INTS2: variants seen among roughly 807,000 people sequenced by gnomAD.
INTS2 encodes integrator complex subunit 2, also known as KIAA1287.
In INTS2, 57 loss-of-function variants were observed where a neutral mutation model predicts 139.6. That is an observed-to-expected ratio of 0.41 (90% CI 0.33 to 0.51). The LOEUF (loss-of-function observed/expected upper bound fraction) is 0.51, where lower values mean the gene tolerates loss of function less well. Among genes scored for constraint, INTS2 ranks in the 20% least tolerant of loss-of-function variants. The pLI, the probability that INTS2 is intolerant of heterozygous loss-of-function variation, is 0.28. For missense variants in INTS2, 1,196 were observed against 1,436.7 expected, an observed-to-expected ratio of 0.83 and a Z score of 2.71; for synonymous variants, 473 against 493.4, an observed-to-expected ratio of 0.96 and a Z score of 0.55.
At chr17:61,895,717 C>T (rs935690971) in intron 11 of INTS2, among the ~76,000 whole-genome samples, 40 of 151,954 alleles carry the variant, frequency 2.6e-4, no homozygotes, top group African/African-American at 9.7e-4. Flanking sequence ...TCTGTATATA[C>T]GCACATATAC....
intron 4 of INTS2, among the ~76,000 whole-genome samples, chr17:61,920,064 A>G (rs1363751911): frequency 6.6e-6 from 1 of 152,170 alleles, no homozygotes; most frequent in Non-Finnish European, 1.5e-5. Flanking sequence ...CACACTAGCC[A>G]CATTTCAAGT....
intron 11 of INTS2, among the ~76,000 whole-genome samples, chr17:61,895,965 G>C (rs1161178949): frequency 1.3e-5 from 2 of 152,080 alleles, no homozygotes; most frequent in Non-Finnish European, 2.9e-5. Flanking sequence ...TTTACAGCCA[G>C]GTGCAGTGGT....
At chr17:61,894,899 C>T (rs929689568) in intron 12 of INTS2, among the ~76,000 whole-genome samples, 15 of 151,596 alleles carry the variant, frequency 9.9e-5, no homozygotes, top group African/African-American at 3.2e-4. Flanking sequence ...AGTGCTAAGG[C>T]TAAAGAAGAA....
chr17:61,885,016 T>C lies in INTS2; in HGVS notation c.1985-11A>G, dbSNP rs371942519. 2 of 1,493,554 alleles carry C rather than the reference T, an allele frequency of 1.3e-6. No individual in the cohort carries two copies. The highest frequency in any genetic ancestry group is 2.3e-5 in the East Asian group (1 of 43,088). 92.5% of individuals were successfully genotyped at this position (1,493,554 alleles called of 1,614,324 possible). ...TTCTTTGCATGGCAGCTATCAAAGA[T>C]AAAAAGTGTAAAATAAATAAAATGT... is the stretch of plus-strand genomic sequence containing the variant. On this transcript the variant is annotated splice_polypyrimidine_tract_variant and intron_variant, in intron 15 of 24. Transcript: ENST00000251334.
At chr17:61,926,328 AC>A in intron 2 of INTS2, 23 bp downstream of exon 2, 1 of 1,526,608 alleles carries the variant, frequency 6.6e-7, no homozygotes, top group East Asian at 2.3e-5. Flanking sequence ...ATCCAAATCC[AC>A]ATATAATATA....
rs772167308 is a variant in INTS2, at chr17:61,882,936, T to A, written c.2090-1765A>T. 2.0e-5 allele frequency among the ~76,000 whole-genome samples: 3 copies of A among 152,182 alleles called. No homozygotes were observed. Among genetic ancestry groups the A allele is most frequent in the Non-Finnish European group, 2.9e-5 (2 of 68,038 alleles). On this transcript the variant is annotated intron_variant, in intron 16 of 24. Transcript: ENST00000251334. The surrounding 1 kb of genome is among the most constrained non-coding windows in gnomAD (Gnocchi z 4.7). ...TATTATGCAAATCAAATGATACCACTGCTTTATCCCAGTAGAAACAATACG... is the reference window on the plus strand; with the variant it reads ...TATTATGCAAATCAAATGATACCACAGCTTTATCCCAGTAGAAACAATACG...
At chr17:61,921,945 ACAG>A in intron 3 of INTS2, 118 bp from the exon 4 acceptor site, 1 of 565,968 alleles carries the variant, frequency 1.8e-6, no homozygotes, top group Admixed American at 3.1e-5. Flanking sequence ...CTAATATACC[ACAG>A]CAGAATATGC....
Position 61,897,505 on chromosome 17 carries a change from A to G in INTS2, c.1458T>C (p.Ala486=). 3.1e-6 allele frequency: 5 copies of G among 1,600,404 alleles called. No individual in the cohort carries two copies. Among genetic ancestry groups the G allele is most frequent in the South Asian group, 1.1e-5 (1 of 87,812 alleles). ...AAGTGGAACAGACCAAGTCAATGAT[A>G]GCACTAAGCTGGTTGCTGTGAAAGT... is the stretch of plus-strand genomic sequence containing the variant. ...AMYFHSNQLS[A]IIDLVCSTLG... is the part of the protein sequence containing the mutation. Residue 486 remains alanine (A), a synonymous_variant, in exon 11 of 25, where the codon GCT becomes GCC. Transcript: ENST00000251334. This position sits in a 1 kb window ranked among gnomAD's most constrained non-coding sequence, Gnocchi z 4.4.
At chr17:61,911,716 C>T in intron 6 of INTS2, 23 bp from the exon 7 acceptor site, 1 of 1,602,120 alleles carries the variant, frequency 6.2e-7, no homozygotes, top group African/African-American at 1.3e-5. Context: ...AGAAAACAAA[C>T]TGAATTCAGT....
rs999375773 is a variant in INTS2 at position 61,870,164 on chromosome 17, T to A, written c.2779-176A>T. Among the ~76,000 whole-genome samples, 1 of 152,202 alleles carries A rather than the reference T, an allele frequency of 6.6e-6. No homozygotes were observed. The highest frequency in any genetic ancestry group is 2.4e-5 in the African/African-American group (1 of 41,464). ...AATCTGTAGAGCAGTGGTTCTCACC[T>A]TTTTAGGATTATGAACCCCTTAAGA... On this transcript the variant is annotated intron_variant, in intron 20 of 24. Coordinates refer to ENST00000251334, the MANE Select transcript of INTS2 (RefSeq NM_001351695.2). The surrounding 1 kb of genome is among the most constrained non-coding windows in gnomAD (Gnocchi z 4.4).
In INTS2 at chr17:61,872,427, C is replaced by T. The variant is rs1191819365; in HGVS notation, c.2616G>A (p.Met872Ile). 4 of 1,610,764 alleles carry T rather than the reference C, an allele frequency of 2.5e-6. No individual in the cohort carries two copies. Among genetic ancestry groups the T allele is most frequent in the Non-Finnish European group, 2.5e-6 (3 of 1,177,672 alleles). Residue 872 changes from methionine to isoleucine, a missense_variant, in exon 20 of 25, where the codon ATG (methionine) becomes ATA (isoleucine). By Grantham distance (10) the Met-to-Ile change is conservative. Transcript: ENST00000251334. This position sits in a 1 kb window ranked among gnomAD's most constrained non-coding sequence, Gnocchi z 4.8. ...TAGATGCAAGAAGATATCCATTCAA[C>T]ATGTGTAGGGTAATATCCATCAGTG... ...CPPLMDITLH[M>I]LNGYLLASKA...
intron 3 of INTS2, among the ~76,000 whole-genome samples, chr17:61,923,146 G>A (rs1302967409): frequency 1.3e-5 from 2 of 151,692 alleles, no homozygotes; most frequent in African/African-American, 4.8e-5. Flanking sequence ...AATTGGTGAT[G>A]GAAATTTTAG....
chr17:61,913,462 A>G (rs182750961), intron 5 of INTS2, among the ~76,000 whole-genome samples: 1 of 151,508 alleles, frequency 6.6e-6, no homozygotes, highest in Admixed American at 6.6e-5. Context: ...AAAGAGAATG[A>G]CATCTTTGTT....
Position 61,868,016 on chromosome 17 carries a change from G to GA in INTS2, c.3245-8dup, listed in dbSNP as rs1567885242. The GA allele has an allele frequency of 1.3e-5, 20 of 1,548,356 alleles. No homozygotes were observed. The highest frequency in any genetic ancestry group is 1.7e-5 in the Non-Finnish European group (20 of 1,153,048). ...CGCTTAGCCTGTGTTAAAACTGTTG[G>GA]AAAAAAATGAAACAATATTTTAGTT... On this transcript the variant is annotated splice_region_variant and splice_polypyrimidine_tract_variant and intron_variant, in intron 23 of 24. Transcript: ENST00000251334. The surrounding 1 kb of genome is among the most constrained non-coding windows in gnomAD (Gnocchi z 4.7).
rs1214539258 is a variant in INTS2, at chr17:61,869,136, A to G, written c.3142T>C (p.Phe1048Leu). ...IAQPELEKQI[F>L]AIQLLSHLCI... ...AAGTGAGAAAGCAACTGGATAGCAA[A>G]TATCTGCAATACAAAATCCAGTTAT... The change falls in exon 23 of 25, where the codon TTT becomes CTT. Residue 1048 changes from phenylalanine to leucine, a missense_variant. Phe to Leu is a conservative substitution (Grantham distance 22). Transcript: ENST00000251334. This position sits in a 1 kb window ranked among gnomAD's most constrained non-coding sequence, Gnocchi z 5.4. 1.3e-6 allele frequency: 2 copies of G among 1,586,590 alleles called. No individual in the cohort carries two copies. Among genetic ancestry groups the G allele is most frequent in the Admixed American group, 1.7e-5 (1 of 59,514 alleles).
rs569244990 is a variant in INTS2, at chr17:61,881,166, G to A, written c.2095C>T (p.His699Tyr). 1 of 1,608,508 alleles carries A rather than the reference G, an allele frequency of 6.2e-7. No individual in the cohort carries two copies. Among genetic ancestry groups the A allele is most frequent in the East Asian group, 2.2e-5 (1 of 44,792 alleles). ...QGLQQELGGLHSALLRLLATN... is the reference protein window; with the variant it reads ...QGLQQELGGLYSALLRLLATN... ...GCAAGGAGACGTAGTAAAGCTGAAT[G>A]CAACCCTTGAAAATTTACAGAAAAT... The change falls in exon 17 of 25, where the codon CAT (histidine) becomes TAT (tyrosine). Residue 699 changes from histidine to tyrosine, a missense_variant. His to Tyr is a moderately conservative substitution (Grantham distance 83, BLOSUM62 2). Coordinates refer to ENST00000251334, the MANE Select transcript of INTS2 (RefSeq NM_001351695.2).
chr17:61,926,767 T>C (rs1210203863), intron 1 of INTS2, 105 bp from the exon 2 acceptor site: 1 of 856,716 alleles, frequency 1.2e-6, no homozygotes, highest in Non-Finnish European at 1.9e-6. Flanking sequence ...AATAGGTCCC[T>C]ATGTTGGCAA....
Position 61,866,408 on chromosome 17 carries a change from G to T in INTS2, c.*1149C>A, listed in dbSNP as rs2079046658. 1 of 151,612 alleles carries T rather than the reference G, an allele frequency of 6.6e-6. No homozygotes were observed. Among genetic ancestry groups the T allele is most frequent in the South Asian group, 2.1e-4 (1 of 4,784 alleles). 9.4% of individuals were successfully genotyped at this position (151,612 alleles called of 1,614,324 possible). A position where few individuals can be genotyped will look rare whatever the true frequency, so the allele number is the denominator to read the frequency against. On this transcript the variant is annotated 3_prime_UTR_variant, in exon 25 of 25. Coordinates refer to ENST00000251334, the MANE Select transcript of INTS2 (RefSeq NM_001351695.2). ...GAAGAGGTCTGTTTCAAGTGGGGGT[G>T]GGGAAGTGTGTGATTGAGGTATATC... is the stretch of plus-strand genomic sequence containing the variant.
intron 5 of INTS2, among the ~76,000 whole-genome samples, chr17:61,917,207 C>T (rs2079591729): frequency 6.6e-6 from 1 of 152,124 alleles, no homozygotes; most frequent in South Asian, 2.1e-4. Context: ...TTAGTTCAGC[C>T]ACTGTGGAAA....
Sources: allele counts gnomAD v4.1 joint callset (sites outside exome capture counted in the v4.1 genomes callset), GRCh38; gene constraint gnomAD v4.1.1; non-coding constraint Gnocchi (gnomAD v3.1); transcripts MANE v1.5; gene names NCBI Gene and HGNC (gene_info 2026-07-23, HGNC 2026-07-21).